Variants in CEACAM4 observed in about 807,000 individuals in gnomAD.
CEACAM4 encodes the protein cell adhesion molecule CEACAM4.
A neutral mutation model predicts 28.7 loss-of-function variants in CEACAM4; 30 were observed. That is an observed-to-expected ratio of 1.05 (90% CI 0.78 to 1.42). The LOEUF is 1.42. CEACAM4 is among the 40% of genes most tolerant of loss of function. The pLI is 0.00. For missense variants in CEACAM4, 330 were observed against 308.2 expected (o/e 1.07, Z -0.53); for synonymous variants, 143 against 126.5 (o/e 1.13, Z -0.87).
downstream of CEACAM4, among the ~76,000 whole-genome samples, chr19:41,617,157 G>C (rs782032115): frequency 1.3e-5 from 2 of 152,158 alleles, no homozygotes; most frequent in Non-Finnish European, 2.9e-5. Context: ...GTCACTGTCC[G>C]TGGTGCTGAT....
At chr19:41,615,032 C>T (rs1487157433), downstream of CEACAM4, among the ~76,000 whole-genome samples, 1 of 152,036 alleles carries the variant, frequency 6.6e-6, no homozygotes, top group Non-Finnish European at 1.5e-5. Flanking sequence ...AGGTTGGAAC[C>T]TGCCTCTGGG....
Position 41,619,056 on chromosome 19 carries a change from C to T in CEACAM4, c.*274G>A. The T allele has an allele frequency of 2.1e-6, 1 of 479,152 alleles. No individual in the cohort carries two copies. Among genetic ancestry groups the T allele is most frequent in the Non-Finnish European group, 3.7e-6 (1 of 272,472 alleles). 29.7% of individuals were successfully genotyped at this position (479,152 alleles called of 1,614,324 possible). A position where few individuals can be genotyped will look rare whatever the true frequency, so the allele number is the denominator to read the frequency against. ...CTTTATTCAGATCCTTTCCTGGTGA[C>T]CCCGGGTGGGCCACAGGCCCATTCA... On this transcript the variant is annotated 3_prime_UTR_variant, in exon 7 of 7. Coordinates refer to ENST00000221954, the MANE Select transcript of CEACAM4 (RefSeq NM_001817.4).
downstream of CEACAM4, among the ~76,000 whole-genome samples, chr19:41,617,127 C>G (rs1436357509): frequency 6.6e-6 from 1 of 152,182 alleles, no homozygotes; most frequent in Non-Finnish European, 1.5e-5. Flanking sequence ...CTGCTGCCAC[C>G]TGGAAATTAG....
chr19:41,618,186 T>C (rs1376510549), downstream of CEACAM4, among the ~76,000 whole-genome samples: 1 of 152,016 alleles, frequency 6.6e-6, no homozygotes. Flanking sequence ...GCAGGCGAGA[T>C]AGGGCTGTGG....
intron 3 of CEACAM4, among the ~76,000 whole-genome samples, chr19:41,620,829 G>A (rs1039001789): frequency 2.0e-5 from 3 of 152,020 alleles, no homozygotes; most frequent in African/African-American, 4.8e-5. Context: ...CAGAGAGGAA[G>A]GACCCCCCCA....
intron 2 of CEACAM4, 61 bp from the exon 3 acceptor site, chr19:41,621,829 A>G (rs8111279): frequency 0.43 from 417,637 of 960,174 alleles, 95,977 homozygotes; most frequent in African/African-American, 0.85. Flanking sequence ...AAACCATAAG[A>G]GGCATTGCAG....
rs2071597683 is a variant in CEACAM4, at chr19:41,625,691, T to C, written c.334A>G (p.Ile112Val). The C allele has an allele frequency of 6.2e-7, 1 of 1,613,778 alleles. No individual in the cohort carries two copies. Among genetic ancestry groups the C allele is most frequent in the South Asian group, 1.1e-5 (1 of 91,076 alleles). ...YPNGSLLFQN[I>V]TLEDAGSYTL... is the part of the protein sequence containing the mutation. ...TAGGATCCTGCGTCCTCCAGGGTGA[T>C]GTTTTGGAACAGCAGGGATCCATTG... Residue 112 changes from isoleucine to valine, a missense_variant, in exon 2 of 7, where the codon ATC (isoleucine) becomes GTC (valine). By Grantham distance (29) the Ile-to-Val change is conservative (BLOSUM62 3). Transcript: ENST00000221954.
chr19:41,619,242 T>C lies in CEACAM4; in HGVS notation c.*88A>G. On this transcript the variant is annotated 3_prime_UTR_variant, in exon 7 of 7. Transcript: ENST00000221954. ...TCCTCAGGACTCAGAGCTGGTTCTCTGGCTCAGGCTCCATGTCCTTCCCCG... is the reference window on the plus strand; with the variant it reads ...TCCTCAGGACTCAGAGCTGGTTCTCCGGCTCAGGCTCCATGTCCTTCCCCG... The C allele has an allele frequency of 2.7e-6, 3 of 1,092,958 alleles. No homozygotes were observed. The highest frequency in any genetic ancestry group is 3.6e-5 in the Admixed American group (2 of 54,946). 67.7% of individuals were successfully genotyped at this position (1,092,958 alleles called of 1,614,324 possible). A position where few individuals can be genotyped will look rare whatever the true frequency, so the allele number is the denominator to read the frequency against.
At chr19:41,617,650 G>A (rs2071009120), downstream of CEACAM4, among the ~76,000 whole-genome samples, 2 of 152,150 alleles carry the variant, frequency 1.3e-5, no homozygotes, top group African/African-American at 4.8e-5. Flanking sequence ...TGGAAGCAGG[G>A]CACAGAATAG....
downstream of CEACAM4, among the ~76,000 whole-genome samples, chr19:41,617,973 T>A (rs1281389067): frequency 9.8e-6 from 1 of 102,192 alleles, no homozygotes; most frequent in African/African-American, 3.4e-5. Context: ...TGCGGGTTGT[T>A]TTCTTACCTC....
chr19:41,620,676 T>A (rs782068799), intron 3 of CEACAM4, 49 bp from the exon 4 acceptor site: 8 of 1,484,412 alleles, frequency 5.4e-6, no homozygotes, highest in Non-Finnish European at 7.5e-6. Flanking sequence ...AAATCACAGG[T>A]TTAGGGGCAG....
Position 41,625,841 on chromosome 19 carries a change from T to G in CEACAM4, c.184A>C (p.Ile62Leu), listed in dbSNP as rs2071611232. 9 of 1,613,824 alleles carry G rather than the reference T, an allele frequency of 5.6e-6. No homozygotes were observed. The highest frequency in any genetic ancestry group is 7.6e-6 in the Non-Finnish European group (9 of 1,180,004). ...CCCTTGTGCCAATAATAGGCTTGAA[T>G]AGTTTCTGAAATATTGCAGGCCAGT... is the stretch of plus-strand genomic sequence containing the variant. Reference protein sequence around the residue: ...LLLACNISETIQAYYWHKGKT... With the variant: ...LLLACNISETLQAYYWHKGKT... Residue 62 changes from isoleucine (I) to leucine (L), a missense_variant, in exon 2 of 7, where the codon ATT (isoleucine) becomes CTT (leucine). Transcript: ENST00000221954.
Position 41,626,063 on chromosome 19 carries a change from AGTGTGTGTGTGTGTGTGTGTGTGTGTGT to A in CEACAM4, c.65-131_65-104del, listed in dbSNP as rs61710351. ...AGGTCTCCTCATCCCTCAGCCTTGG[AGTGTGTGTGTGTGTGTGTGTGTGTGTGT>A]GTGTGTGTGTGTGTGTGTGTGTGTG... On this transcript the variant is annotated intron_variant, in intron 1 of 6. Coordinates refer to ENST00000221954, the MANE Select transcript of CEACAM4 (RefSeq NM_001817.4). 2.2e-3 allele frequency: 1,452 copies of A among 651,980 alleles called. 1 individual carries two copies. The highest frequency in any genetic ancestry group is 8.3e-3 in the East Asian group (299 of 35,830). The allele number at this position is 651,980 out of a possible 1,614,324, so 40.4% of individuals were successfully genotyped here.
At chr19:41,626,380 T>C (rs1407877918) in intron 1 of CEACAM4, among the ~76,000 whole-genome samples, 1 of 152,110 alleles carries the variant, frequency 6.6e-6, no homozygotes, top group Non-Finnish European at 1.5e-5. Context: ...TAGATCTCTT[T>C]AGGTGTTTGT....
rs1555804458 is a variant in CEACAM4 at position 41,626,924 on chromosome 19, G to A, written c.40C>T (p.Pro14Ser). The A allele has an allele frequency of 6.2e-7, 1 of 1,608,748 alleles. No individual in the cohort carries two copies. Among genetic ancestry groups the A allele is most frequent in the East Asian group, 2.3e-5 (1 of 44,230 alleles). The change falls in exon 1 of 7, where the codon CCC (proline) becomes TCC (serine). Residue 14 changes from proline to serine, a missense_variant. By Grantham distance (74) the Pro-to-Ser change is moderately conservative. Transcript: ENST00000221954. ...PSAAPRGGHR[P>S]WQGLLITASL... is the part of the protein sequence containing the mutation. ...CCTGTGATCAGGAGCCCCTGCCAGG[G>A]CCTGTGCCCTCCACGGGGAGCGGCT...
At chr19:41,623,809 T>C (rs1555802731) in intron 2 of CEACAM4, among the ~76,000 whole-genome samples, 10 of 152,130 alleles carry the variant, frequency 6.6e-5, no homozygotes. Context: ...TTTTTAAATA[T>C]TTACTTTTTT....
At chr19:41,623,532 G>A (rs911342706) in intron 2 of CEACAM4, among the ~76,000 whole-genome samples, 6 of 151,306 alleles carry the variant, frequency 4.0e-5, no homozygotes, top group Admixed American at 2.6e-4. Flanking sequence ...TCAGTGATGC[G>A]GTGGTGAGTG....
chr19:41,625,805 C>CTGCCGTTTTCCCCTTG lies in CEACAM4; in HGVS notation c.204_219dup (p.Glu74GlnfsTer64). ...TAACCAGCAATGAGAGGGCTCCCTT[C>CTGCCGTTTTCCCCTTG]TGCCGTTTTCCCCTTGTGCCAATAA... On this transcript the variant is annotated frameshift_variant, in exon 2 of 7. Transcript: ENST00000221954. LOFTEE classifies it high-confidence loss of function. 6.2e-7 allele frequency: 1 copy of CTGCCGTTTTCCCCTTG among 1,614,032 alleles called. No individual in the cohort carries two copies. The highest frequency in any genetic ancestry group is 1.7e-5 in the Admixed American group (1 of 60,018).
intron 2 of CEACAM4, among the ~76,000 whole-genome samples, chr19:41,622,564 C>T (rs187176209): frequency 1.2e-4 from 19 of 152,238 alleles, no homozygotes; most frequent in African/African-American, 4.1e-4. Context: ...GGGAGAGGGG[C>T]ATCACCGCCA....
Sources: gnomAD v4.1 joint callset for allele counts (sites outside exome capture counted in the v4.1 genomes callset) on GRCh38, gnomAD v4.1.1 for gene constraint, MANE v1.5 for transcripts, NCBI Gene and HGNC (gene_info 2026-07-23, HGNC 2026-07-21) for gene names.